The following IL36G variants were observed in gnomAD, a reference collection of about 807,000 sequenced individuals.
The protein encoded by IL36G is interleukin-36 gamma.
IL36G carries 10 observed loss-of-function variants against 13.5 expected under a neutral mutation model. The ratio of observed to expected loss-of-function variants is 0.74; its 90% CI spans 0.46 to 1.26. The LOEUF (loss-of-function observed/expected upper bound fraction) is 1.26. IL36G is among the 50% of genes most tolerant of loss of function. IL36G has a pLI of 0.00. For synonymous variants in IL36G, 84 were observed against 74.0 expected (o/e 1.13, Z -0.69); for missense variants, 199 against 203.0 (o/e 0.98, Z 0.12).
At chr2:112,984,772 T>C in intron 4 of IL36G, 68 bp from the exon 5 acceptor site, 1 of 1,298,706 alleles carries the variant, frequency 7.7e-7, no homozygotes, top group Non-Finnish European at 1.1e-6. Context: ...ATTGAATTAT[T>C]ATGAATAACC....
chr2:112,979,998 T>C lies in IL36G; in HGVS notation c.161-11T>C. The C allele has an allele frequency of 6.2e-7, 1 of 1,611,458 alleles. No homozygotes were observed. The highest frequency in any genetic ancestry group is 8.5e-7 in the Non-Finnish European group (1 of 1,179,180). On this transcript the variant is annotated splice_polypyrimidine_tract_variant and intron_variant, in intron 3 of 4. Coordinates refer to ENST00000259205, the MANE Select transcript of IL36G (RefSeq NM_019618.4). Reference sequence around the variant, plus strand: ...AGGAAACTGATACCATCTCTCCTCTTATCTTTACAGTCACTGTTGCTGTTA... The same window carrying C: ...AGGAAACTGATACCATCTCTCCTCTCATCTTTACAGTCACTGTTGCTGTTA...
In IL36G at chr2:112,984,933, T is replaced by G; in HGVS notation, c.394T>G (p.Ser132Ala). ...GACTGGTAGGACCTCCACCCTTGAG[T>G]CTGTGGCCTTCCCGGACTGGTTCAT... Reference protein sequence around the residue: ...AKTGRTSTLESVAFPDWFIAS... With the variant: ...AKTGRTSTLEAVAFPDWFIAS... Residue 132 changes from serine to alanine, a missense_variant, in exon 5 of 5, where the codon TCT becomes GCT. Transcript: ENST00000259205. The G allele has an allele frequency of 6.2e-7, 1 of 1,614,016 alleles. No individual in the cohort carries two copies. Among genetic ancestry groups the G allele is most frequent in the South Asian group, 1.1e-5 (1 of 91,070 alleles).
At chr2:112,978,727 G>A in intron 2 of IL36G, 34 bp downstream of exon 2, 1 of 1,603,214 alleles carries the variant, frequency 6.2e-7, no homozygotes, top group East Asian at 2.2e-5. Context: ...GGGCTCTGGA[G>A]GCTTAGGCCC....
At chr2:112,983,711 C>T (rs1215040405) in intron 4 of IL36G, among the ~76,000 whole-genome samples, 7 of 151,976 alleles carry the variant, frequency 4.6e-5, no homozygotes, top group Non-Finnish European at 8.8e-5. Flanking sequence ...AGCTGGGTGG[C>T]GTAGACCCTG....
chr2:112,982,648 G>A (rs1684284034), intron 4 of IL36G, among the ~76,000 whole-genome samples: 1 of 152,162 alleles, frequency 6.6e-6, no homozygotes, highest in Non-Finnish European at 1.5e-5. Context: ...GATTGTGAGT[G>A]TGATCAATAA....
At position 112,980,254 on chromosome 2, in the gene IL36G, A is replaced by G. The variant is rs929205624; in HGVS notation, c.300+106A>G. On this transcript the variant is annotated intron_variant, in intron 4 of 4. Transcript: ENST00000259205. ...GAAATAGTCTCATCTTCCTAAGCAT[A>G]TTTATTCCCAGCCTCTTTTAAGTTA... 60 of 946,016 alleles carry G rather than the reference A, an allele frequency of 6.3e-5. No individual in the cohort carries two copies. The African/African-American group carries it at 7.9e-4, about 12-fold the overall frequency. The allele number at this position is 946,016 out of a possible 1,614,324, so 58.6% of individuals were successfully genotyped here. A position where few individuals can be genotyped will look rare whatever the true frequency, so the allele number is the denominator to read the frequency against.
rs1285346426 is a variant in IL36G at position 112,979,264 on chromosome 2, A to C, written c.99A>C (p.Gln33His). The change falls in exon 3 of 5, where the codon CAA becomes CAC. Residue 33 changes from glutamine (Q) to histidine (H), a missense_variant. Coordinates refer to ENST00000259205, the MANE Select transcript of IL36G (RefSeq NM_019618.4). ...ITGTINDLNQ[Q>H]VWTLQGQNLV... ...GGACTATTAATGATTTGAATCAGCA[A>C]GTGTGGACCCTTCAGGGTCAGAACC... 6 of 1,613,422 alleles carry C rather than the reference A, an allele frequency of 3.7e-6. No homozygotes were observed. The highest frequency in any genetic ancestry group is 5.1e-6 in the Non-Finnish European group (6 of 1,179,420).
chr2:112,980,442 G>A (rs1351848840), intron 4 of IL36G, among the ~76,000 whole-genome samples: 1 of 152,066 alleles, frequency 6.6e-6, no homozygotes, highest in African/African-American at 2.4e-5. Context: ...ATTGTTAAGA[G>A]TATGCAGCAA....
chr2:112,981,541 T>C, intron 4 of IL36G: 2 of 477,056 alleles, frequency 4.2e-6, no homozygotes, highest in South Asian at 5.1e-5. Flanking sequence ...CACTGCTCTG[T>C]CTTTCTTAAC....
chr2:112,984,512 T>C (rs1684319502), intron 4 of IL36G, among the ~76,000 whole-genome samples: 1 of 152,220 alleles, frequency 6.6e-6, no homozygotes, highest in African/African-American at 2.4e-5. Flanking sequence ...GGAGGTAATT[T>C]CCAATTTCTT....
Position 112,985,139 on chromosome 2 carries a change from C to T in IL36G, c.*90C>T, listed in dbSNP as rs773670609. On this transcript the variant is annotated 3_prime_UTR_variant, in exon 5 of 5. Coordinates refer to ENST00000259205, the MANE Select transcript of IL36G (RefSeq NM_019618.4). Reference sequence around the variant, plus strand: ...CTACATTTTCTTAGTGTCATTTTCACGCTGGTGCTGAGACAGGGGCAAGGC... The same window carrying T: ...CTACATTTTCTTAGTGTCATTTTCATGCTGGTGCTGAGACAGGGGCAAGGC... 4.1e-5 allele frequency: 36 copies of T among 886,330 alleles called. No homozygotes were observed. The highest frequency in any genetic ancestry group is 1.8e-4 in the Admixed American group (8 of 43,650). The allele number at this position is 886,330 out of a possible 1,614,324, so 54.9% of individuals were successfully genotyped here.
At chr2:112,980,559 T>C (rs927684047) in intron 4 of IL36G, among the ~76,000 whole-genome samples, 1 of 152,204 alleles carries the variant, frequency 6.6e-6, no homozygotes, top group Non-Finnish European at 1.5e-5. Flanking sequence ...AGAGTGAGAG[T>C]TGACATTTCA....
chr2:112,978,286 C>T lies in IL36G; in HGVS notation c.-20+208C>T, dbSNP rs28947205. Among the ~76,000 whole-genome samples, 651 of 152,270 alleles carry T rather than the reference C, an allele frequency of 4.3e-3. 5 individuals are homozygous for T. The highest frequency in any genetic ancestry group is 0.014 in the African/African-American group (589 of 41,564). ...CCCTGCTCCTAGGCAAAAACAATGC[C>T]GATGAAGGGGTGGAGGCTTCAGAGA... On this transcript the variant is annotated intron_variant, in intron 1 of 4. Coordinates refer to ENST00000259205, the MANE Select transcript of IL36G (RefSeq NM_019618.4).
intron 4 of IL36G, chr2:112,981,399 TCCTTCAGCATCC>T: frequency 1.4e-6 from 1 of 724,982 alleles, no homozygotes; most frequent in Admixed American, 1.8e-5. Context: ...TTGGCTTATC[TCCTTCAGCATCC>T]CCTTCAGCCT....
Position 112,985,081 on chromosome 2 carries a change from T to C in IL36G, c.*32T>C. 1 of 1,497,934 alleles carries C rather than the reference T, an allele frequency of 6.7e-7. No individual in the cohort carries two copies. The highest frequency in any genetic ancestry group is 9.2e-7 in the Non-Finnish European group (1 of 1,083,226). 92.8% of individuals were successfully genotyped at this position (1,497,934 alleles called of 1,614,324 possible). On this transcript the variant is annotated 3_prime_UTR_variant, in exon 5 of 5. Transcript: ENST00000259205. ...CCTAGAGGTGGCAGCTTGGTCTTTG[T>C]CTTAAAGTTTCTGGTTCCCAATGTG...
intron 4 of IL36G, among the ~76,000 whole-genome samples, chr2:112,983,949 G>T (rs1684308996): frequency 6.6e-6 from 1 of 152,174 alleles, no homozygotes; most frequent in Non-Finnish European, 1.5e-5. Context: ...AGTGCAAGAA[G>T]TGACTCGATT....
At chr2:112,981,584 G>C in intron 4 of IL36G, 1 of 352,088 alleles carries the variant, frequency 2.8e-6, no homozygotes, top group Non-Finnish European at 5.2e-6. Flanking sequence ...ATTTCTTCAA[G>C]TATATTCTCA....
At chr2:112,978,511 G>A (rs901711241) in intron 1 of IL36G, 109 bp from the exon 2 acceptor site, 26 of 845,020 alleles carry the variant, frequency 3.1e-5, no homozygotes, top group Non-Finnish European at 4.6e-5. Flanking sequence ...CTTCGTGTCA[G>A]GCCAGGTTTC....
At chr2:112,984,166 A>C in intron 4 of IL36G, among the ~76,000 whole-genome samples, 1 of 152,226 alleles carries the variant, frequency 6.6e-6, no homozygotes, top group South Asian at 2.1e-4. Context: ...TGAATTACAG[A>C]TCATTTCTGT....
Sources: gnomAD v4.1 joint callset for allele counts (sites outside exome capture counted in the v4.1 genomes callset) on GRCh38, gnomAD v4.1.1 for gene constraint, MANE v1.5 for transcripts, NCBI Gene and HGNC (gene_info 2026-07-23, HGNC 2026-07-21) for gene names.